DCLK1: variants seen among roughly 807,000 people sequenced by gnomAD.
DCLK1 encodes serine/threonine-protein kinase DCLK1.
In DCLK1, 16 loss-of-function variants were observed where a neutral mutation model predicts 86.2. That is an observed-to-expected ratio of 0.19 (90% confidence interval 0.13 to 0.28). The LOEUF (loss-of-function observed/expected upper bound fraction) is 0.28, where lower values mean the gene tolerates loss of function less well. Among genes scored for constraint, DCLK1 ranks in the 10% least tolerant of loss-of-function variants. The probability of loss-of-function intolerance (pLI) is 1.00; values close to 1 mark genes in which losing one functional copy is unlikely to be tolerated. For missense variants in DCLK1, 590 were observed against 940.2 expected, an observed-to-expected ratio of 0.63 and a Z score of 4.87; for synonymous variants, 369 against 370.5, an observed-to-expected ratio of 1.00 and a Z score of 0.05.
At chr13:35,875,826 G>T (rs553375400) in intron 4 of DCLK1, among the ~76,000 whole-genome samples, 2 of 152,266 alleles carry the variant, frequency 1.3e-5, no homozygotes, top group African/African-American at 4.8e-5. Context: ...GTTACTACTT[G>T]TGTGAACTCT....
intron 15 of DCLK1, among the ~76,000 whole-genome samples, chr13:35,796,108 C>T (rs1282872885): frequency 2.0e-5 from 3 of 152,096 alleles, no homozygotes; most frequent in African/African-American, 7.2e-5. Flanking sequence ...AGTATCATGT[C>T]TTGGCAGAGT....
At chr13:36,045,338 A>ATATC (rs1397022408) in intron 3 of DCLK1, among the ~76,000 whole-genome samples, 5 of 78,582 alleles carry the variant, frequency 6.4e-5, no homozygotes, top group East Asian at 4.4e-4. Flanking sequence ...GTGTGTATAT[A>ATATC]TATATATATA....
chr13:36,038,853 C>G (rs1395733186), intron 3 of DCLK1, among the ~76,000 whole-genome samples: 2 of 152,122 alleles, frequency 1.3e-5, no homozygotes, highest in Admixed American at 6.5e-5. Context: ...GTTCAAATAT[C>G]TAGGAGGTAG....
intron 3 of DCLK1, among the ~76,000 whole-genome samples, chr13:35,976,535 T>TTTTTTTTTTTG (rs1879346211): frequency 3.4e-5 from 4 of 118,856 alleles, no homozygotes; most frequent in Non-Finnish European, 5.6e-5. Flanking sequence ...GTTTTTTTTT[T>TTTTTTTTTTTG]TTTTTTTTTT....
chr13:35,949,086 T>G (rs182441195), intron 3 of DCLK1, among the ~76,000 whole-genome samples: 1 of 152,204 alleles, frequency 6.6e-6, no homozygotes, highest in African/African-American at 2.4e-5. Context: ...AATCAGCATC[T>G]GGCAGAAATG....
intron 3 of DCLK1, among the ~76,000 whole-genome samples, chr13:36,104,774 C>T (rs941779949): frequency 6.6e-6 from 1 of 152,016 alleles, no homozygotes; most frequent in Non-Finnish European, 1.5e-5. Flanking sequence ...AAAATATCTG[C>T]ATCGCATTCA....
chr13:35,872,512 A>C (rs1404986111), intron 4 of DCLK1, among the ~76,000 whole-genome samples: 1 of 152,160 alleles, frequency 6.6e-6, no homozygotes, highest in Non-Finnish European at 1.5e-5. Context: ...CACTGTTATA[A>C]ATAATTACTC....
At chr13:36,003,434 T>A (rs1048159170) in intron 3 of DCLK1, among the ~76,000 whole-genome samples, 1 of 152,156 alleles carries the variant, frequency 6.6e-6, no homozygotes, top group African/African-American at 2.4e-5. Context: ...TGGAAAGCAA[T>A]TTTACGACAT....
At chr13:36,080,274 G>C (rs1334935744) in intron 3 of DCLK1, among the ~76,000 whole-genome samples, 4 of 152,268 alleles carry the variant, frequency 2.6e-5, no homozygotes, top group Non-Finnish European at 5.9e-5. Context: ...AAGGAAAGCC[G>C]AAAGGTGAGA....
At chr13:35,854,208 TTACAAACTAGTGCTAATAAAGCCTG>T (rs1870880388) in intron 6 of DCLK1, among the ~76,000 whole-genome samples, 1 of 152,182 alleles carries the variant, frequency 6.6e-6, no homozygotes, top group South Asian at 2.1e-4. Flanking sequence ...CTAAGAAGGC[TTACAAACTAGTGCTAATAAAGCCTG>T]TGCATTCAGA....
chr13:36,130,111 G>A (rs975320190), intron 1 of DCLK1, among the ~76,000 whole-genome samples: 1 of 152,114 alleles, frequency 6.6e-6, no homozygotes, highest in Admixed American at 6.5e-5. Flanking sequence ...CACCACGGAC[G>A]TAGACATCAC....
At position 35,839,739 on chromosome 13, in the gene DCLK1, C is replaced by T. The variant is rs59137076; in HGVS notation, c.1036-563G>A. On this transcript the variant is annotated intron_variant, in intron 6 of 16. Transcript: ENST00000360631. ...CTGAGTAGGTTATTGGTTTGTTAAA[C>T]GTTACATAATAAGTCTGAAGTAAAG... Among the ~76,000 whole-genome samples, 6 of 152,174 alleles carry T rather than the reference C, an allele frequency of 3.9e-5. No homozygotes were observed. In the East Asian group the frequency reaches 5.8e-4, roughly 15 times the overall value.
intron 3 of DCLK1, among the ~76,000 whole-genome samples, chr13:36,035,973 G>A (rs1342064511): frequency 6.6e-6 from 1 of 152,042 alleles, no homozygotes; most frequent in African/African-American, 2.4e-5. Context: ...TGGATATTGA[G>A]CTAGGAGGAG....
intron 3 of DCLK1, among the ~76,000 whole-genome samples, chr13:35,973,939 G>A (rs557537442): frequency 6.6e-6 from 1 of 152,300 alleles, no homozygotes; most frequent in East Asian, 1.9e-4. Context: ...TGATGTCAGT[G>A]AGGTTTGGGG....
At chr13:35,852,603 A>G (rs1566568192) in intron 6 of DCLK1, among the ~76,000 whole-genome samples, 1 of 152,244 alleles carries the variant, frequency 6.6e-6, no homozygotes, top group Non-Finnish European at 1.5e-5. Context: ...GCCATATCTT[A>G]TAATCATTCC....
chr13:35,913,966 T>C (rs1875209165), intron 4 of DCLK1, among the ~76,000 whole-genome samples: 1 of 152,200 alleles, frequency 6.6e-6, no homozygotes, highest in African/African-American at 2.4e-5. Context: ...ATTATTTTAA[T>C]TCCAATTTGG....
chr13:35,947,312 A>C, intron 4 of DCLK1, 46 bp downstream of exon 4: 3 of 1,544,858 alleles, frequency 1.9e-6, no homozygotes, highest in Non-Finnish European at 2.7e-6. Flanking sequence ...TCATTTTCGA[A>C]AGCTGCCTCA....
chr13:35,903,019 A>T (rs1435898131), intron 4 of DCLK1, among the ~76,000 whole-genome samples: 1 of 152,134 alleles, frequency 6.6e-6, no homozygotes, highest in Non-Finnish European at 1.5e-5. Flanking sequence ...GTTTCATTTC[A>T]GTGGGAAGAA....
At chr13:35,818,738 A>G (rs1373863432) in intron 11 of DCLK1, among the ~76,000 whole-genome samples, 4 of 152,088 alleles carry the variant, frequency 2.6e-5, no homozygotes, top group African/African-American at 9.7e-5. Context: ...TTTTATTGCT[A>G]AGGGTACAAG....
Sources: allele counts gnomAD v4.1 joint callset (sites outside exome capture counted in the v4.1 genomes callset), GRCh38; gene constraint gnomAD v4.1.1; transcripts MANE v1.5; gene names NCBI Gene and HGNC (gene_info 2026-07-23, HGNC 2026-07-21).